The following GAN variants were observed in gnomAD, a reference collection of about 807,000 sequenced individuals.
The protein encoded by GAN is epididymis secretory sperm binding protein.
GAN carries 48 observed loss-of-function variants against 71.3 expected under a neutral mutation model. The observed-to-expected ratio is 0.67, with a 90% CI of 0.53 to 0.86. The LOEUF (loss-of-function observed/expected upper bound fraction) is 0.86. GAN is among the 40% of genes least tolerant of loss of function. GAN has a pLI of 0.00. For synonymous variants in GAN, 386 were observed against 276.8 expected, an observed-to-expected ratio of 1.39 and a Z score of -3.92; for missense variants, 928 against 770.1, an observed-to-expected ratio of 1.21 and a Z score of -2.43.
At chr16:81,332,836 C>G (rs1727104365) in intron 1 of GAN, among the ~76,000 whole-genome samples, 1 of 152,108 alleles carries the variant, frequency 6.6e-6, no homozygotes, top group Admixed American at 6.5e-5. Context: ...GGCAAGAACC[C>G]CATGGAAGTG....
chr16:81,333,055 C>T (rs1480269974), intron 1 of GAN, among the ~76,000 whole-genome samples: 1 of 151,976 alleles, frequency 6.6e-6, no homozygotes, highest in Admixed American at 6.6e-5. Flanking sequence ...CTGGCTAACA[C>T]AGTGAAACCC....
chr16:81,367,232 A>G (rs1326309896), intron 9 of GAN, among the ~76,000 whole-genome samples: 1 of 152,170 alleles, frequency 6.6e-6, no homozygotes, highest in Admixed American at 6.5e-5. Context: ...GCTGTTTAAA[A>G]GCACTTCTCG....
intron 1 of GAN, among the ~76,000 whole-genome samples, chr16:81,320,176 T>C (rs1156621028): frequency 6.6e-6 from 1 of 152,238 alleles, no homozygotes; most frequent in Middle Eastern, 3.2e-3. Context: ...TCACAGATGA[T>C]ACTGATGAAA....
At position 81,354,364 on chromosome 16, in the gene GAN, T is replaced by G. The variant is rs978580248; in HGVS notation, c.283-41T>G. ...ATAGGTTAGTGGTTTGGGTTTTAAA[T>G]GTACACATTCAAATATAAGATAATT... On this transcript the variant is annotated intron_variant, in intron 2 of 10. Transcript: ENST00000648994. The G allele has an allele frequency of 2.3e-6, 3 of 1,297,120 alleles. No homozygotes were observed. In the Admixed American group the frequency reaches 5.0e-5, roughly 22 times the overall value. 80.4% of individuals were successfully genotyped at this position (1,297,120 alleles called of 1,614,324 possible). A position where few individuals can be genotyped will look rare whatever the true frequency, so the allele number is the denominator to read the frequency against.
At chr16:81,343,258 T>A (rs879402055) in intron 1 of GAN, among the ~76,000 whole-genome samples, 1 of 152,220 alleles carries the variant, frequency 6.6e-6, no homozygotes, top group Non-Finnish European at 1.5e-5. Context: ...GAATCCTCAC[T>A]AACTCATTTT....
chr16:81,373,833 C>T (rs1294027396), intron 9 of GAN, among the ~76,000 whole-genome samples: 2 of 152,196 alleles, frequency 1.3e-5, no homozygotes, highest in African/African-American at 4.8e-5. Flanking sequence ...ACCTCCGCCT[C>T]CTGGGTTCAA....
intron 1 of GAN, among the ~76,000 whole-genome samples, chr16:81,325,306 G>C (rs541946932): frequency 3.9e-4 from 60 of 152,342 alleles, no homozygotes; most frequent in Admixed American, 1.0e-3. Flanking sequence ...ATCACATATG[G>C]AGGAAATGGT....
intron 3 of GAN, 132 bp downstream of exon 3, chr16:81,354,887 G>C: frequency 1.5e-6 from 1 of 649,470 alleles, no homozygotes; most frequent in Non-Finnish European, 2.7e-6. Flanking sequence ...TGTAAAACAT[G>C]TTCCCCTATA....
At chr16:81,354,071 A>G (rs1910400771) in intron 2 of GAN, among the ~76,000 whole-genome samples, 1 of 152,156 alleles carries the variant, frequency 6.6e-6, no homozygotes, top group Non-Finnish European at 1.5e-5. Context: ...AGAACTTTCC[A>G]TTTCCCAAGC....
chr16:81,317,631 A>G (rs1597386655), intron 1 of GAN, among the ~76,000 whole-genome samples: 1 of 152,246 alleles, frequency 6.6e-6, no homozygotes, highest in East Asian at 1.9e-4. Flanking sequence ...TTGTGTTATG[A>G]GGTTATTAGT....
chr16:81,367,210 G>T (rs8051575), intron 9 of GAN, among the ~76,000 whole-genome samples: 91,289 of 151,970 alleles, frequency 0.6, 27,535 homozygotes, highest in East Asian at 0.74. Context: ...GTAAGACTGT[G>T]GTTCCTTCTT....
At chr16:81,331,166 C>G (rs1008736024) in intron 1 of GAN, among the ~76,000 whole-genome samples, 11 of 152,222 alleles carry the variant, frequency 7.2e-5, no homozygotes, top group Admixed American at 6.5e-5. Flanking sequence ...GCTCGCACCA[C>G]TGCGCTCTAC....
In GAN at chr16:81,330,240, C is replaced by G. The variant is rs562499389; in HGVS notation, c.167+14960C>G. Among the ~76,000 whole-genome samples the G allele has an allele frequency of 1.7e-3, 261 of 152,190 alleles. 1 individual carries two copies. The highest frequency in any genetic ancestry group is 5.8e-3 in the African/African-American group (241 of 41,556). ...CACTGCTGCCGCCAGAGTGATGTTT[C>G]TAGAATGTAATCGGATAATGTTTAA... On this transcript the variant is annotated intron_variant, in intron 1 of 10. Transcript: ENST00000648994.
chr16:81,356,756 T>G (rs1444502586), intron 3 of GAN, 29 bp from the exon 4 acceptor site: 1 of 1,437,750 alleles, frequency 7.0e-7, no homozygotes, highest in African/African-American at 1.4e-5. Flanking sequence ...TCCATTGTTT[T>G]CGCCCCATCT....
rs1567504535 is a variant in GAN, at chr16:81,386,798, T to A, written c.*9202T>A. ...CCCGTCTCTATTAAAAATACAAAAT[T>A]AGCCGGGCATGGTGGCACATGTCTG... On this transcript the variant is annotated 3_prime_UTR_variant, in exon 11 of 11. Transcript: ENST00000648994. The A allele has an allele frequency of 6.6e-6, 1 of 152,110 alleles. No individual in the cohort carries two copies. Among genetic ancestry groups the A allele is most frequent in the Non-Finnish European group, 1.5e-5 (1 of 68,054 alleles). 9.4% of individuals were successfully genotyped at this position (152,110 alleles called of 1,614,324 possible).
chr16:81,319,141 T>A (rs1365187159), intron 1 of GAN, among the ~76,000 whole-genome samples: 2 of 151,076 alleles, frequency 1.3e-5, no homozygotes, highest in Non-Finnish European at 2.9e-5. Flanking sequence ...TGACTGCCAC[T>A]GCACTGCAGC....
chr16:81,354,834 C>G (rs578071268), intron 3 of GAN, 79 bp downstream of exon 3: 8 of 828,274 alleles, frequency 9.7e-6, no homozygotes, highest in African/African-American at 8.6e-5. Flanking sequence ...TATTTTTCTT[C>G]TTCATCATGA....
chr16:81,380,932 G>A lies in GAN; in HGVS notation c.*3336G>A, dbSNP rs918957605. ...GCTAACTGTAGGCTTTTTTCAAACT[G>A]TATAACAACCAAAAAGGAGCATTTG... is the stretch of plus-strand genomic sequence containing the variant. On this transcript the variant is annotated 3_prime_UTR_variant, in exon 11 of 11. Transcript: ENST00000648994. 1 of 152,136 alleles carries A rather than the reference G, an allele frequency of 6.6e-6. No individual in the cohort carries two copies. The highest frequency in any genetic ancestry group is 1.5e-5 in the Non-Finnish European group (1 of 68,016). 9.4% of individuals were successfully genotyped at this position (152,136 alleles called of 1,614,324 possible).
chr16:81,365,044 A>T lies in GAN; in HGVS notation c.1307A>T (p.Glu436Val). Residue 436 changes from glutamate (E) to valine (V), a missense_variant, in exon 8 of 11, where the codon GAG becomes GTG. Coordinates refer to ENST00000648994, the MANE Select transcript of GAN (RefSeq NM_022041.4). ...GGAGGCTCCTACGGAAAGCTTTTTG[A>T]GTCTGTAGAGTGTTATGATCCCAGG... is the stretch of plus-strand genomic sequence containing the variant. ...MGGGSYGKLF[E>V]SVECYDPRTQ... 1 of 1,613,480 alleles carries T rather than the reference A, an allele frequency of 6.2e-7. No individual in the cohort carries two copies. Among genetic ancestry groups the T allele is most frequent in the Non-Finnish European group, 8.5e-7 (1 of 1,179,466 alleles).
Sources: allele counts gnomAD v4.1 joint callset (sites outside exome capture counted in the v4.1 genomes callset), GRCh38; gene constraint gnomAD v4.1.1; transcripts MANE v1.5; gene names NCBI Gene and HGNC (gene_info 2026-07-23, HGNC 2026-07-21).